ASB18: variants seen among roughly 807,000 people sequenced by gnomAD.
The protein encoded by ASB18 is ankyrin repeat and SOCS box containing 18, also known as ankyrin repeat and SOCS box protein 18.
In ASB18, 33 loss-of-function variants were observed where a neutral mutation model predicts 33.4. The observed-to-expected ratio is 0.99, with a 90% CI of 0.75 to 1.32. ASB18 has a LOEUF of 1.32. Ranked by LOEUF, ASB18 falls within the 40% of genes most tolerant of loss-of-function variation. The pLI is 0.00. For missense variants in ASB18, 694 were observed against 655.5 expected, an observed-to-expected ratio of 1.06 and a Z score of -0.64; for synonymous variants, 295 against 307.6, an observed-to-expected ratio of 0.96 and a Z score of 0.43.
At position 236,215,165 on chromosome 2, in the gene ASB18, G is replaced by A. The variant is rs573854214; in HGVS notation, c.597-299C>T. ...TTGGAGCTTCCTGGGAAGGTGATGT[G>A]GTTCAAATGACGGTGCTCCATGCAC... On this transcript the variant is annotated intron_variant, in intron 3 of 5. Transcript: ENST00000409749. This position sits in a 1 kb window ranked among gnomAD's most constrained non-coding sequence, Gnocchi z 7.2. Among the ~76,000 whole-genome samples, 1 of 152,256 alleles carries A rather than the reference G, an allele frequency of 6.6e-6. No individual in the cohort carries two copies. The highest frequency in any genetic ancestry group is 2.4e-5 in the African/African-American group (1 of 41,542).
At position 236,237,690 on chromosome 2, in the gene ASB18, C is replaced by A; in HGVS notation, c.595G>T (p.Gly199Trp). ...LHLCRTAASL[G>W]CAQALLEHGA... ...GCGGGCCTGTCCCGAGGTCCTTACC[C>A]GAGCGAGGCGGCCGTGCGGCAGAGG... Residue 199 changes from glycine to tryptophan, a missense_variant and splice_region_variant, in exon 3 of 6, where the codon GGG becomes TGG. Coordinates refer to ENST00000409749, the MANE Select transcript of ASB18 (RefSeq NM_212556.4). The surrounding 1 kb of genome is among the most constrained non-coding windows in gnomAD (Gnocchi z 6.2). 2 of 1,448,410 alleles carry A rather than the reference C, an allele frequency of 1.4e-6. No homozygotes were observed. Among genetic ancestry groups the A allele is most frequent in the Non-Finnish European group, 9.0e-7 (1 of 1,106,878 alleles). The allele number at this position is 1,448,410 out of a possible 1,614,324, so 89.7% of individuals were successfully genotyped here. A position where few individuals can be genotyped will look rare whatever the true frequency, so the allele number is the denominator to read the frequency against.
rs1393982830 is a variant in ASB18, at chr2:236,213,326, T to A, written c.1101+1036A>T. ...CAGTCTACTCTGAACGCATCTATAA[T>A]GGAAAGTTAGCATTTGAGAGAAATG... On this transcript the variant is annotated intron_variant, in intron 4 of 5. Coordinates refer to ENST00000409749, the MANE Select transcript of ASB18 (RefSeq NM_212556.4). This position sits in a 1 kb window ranked among gnomAD's most constrained non-coding sequence, Gnocchi z 4.8. 2.0e-5 allele frequency among the ~76,000 whole-genome samples: 3 copies of A among 152,154 alleles called. No individual in the cohort carries two copies. The East Asian group carries it at 5.8e-4, about 29-fold the overall frequency.
In ASB18 at chr2:236,264,283, C is replaced by G; in HGVS notation, c.63G>C (p.Lys21Asn). Residue 21 changes from lysine (K) to asparagine (N), a missense_variant, in exon 1 of 6, where the codon AAG (lysine) becomes AAC (asparagine). Physicochemically the swap from Lys to Asn is moderately conservative, Grantham distance 94. Coordinates refer to ENST00000409749, the MANE Select transcript of ASB18 (RefSeq NM_212556.4). This position sits in a 1 kb window ranked among gnomAD's most constrained non-coding sequence, Gnocchi z 5.1. ...PLNSDLVKRL[K>N]SALDAKDEER... Reference sequence around the variant, plus strand: ...CCTCATCTTTGGCATCCAGGGCAGACTTTAATCTCTTCACTAAATCTGAGT... The same window carrying G: ...CCTCATCTTTGGCATCCAGGGCAGAGTTTAATCTCTTCACTAAATCTGAGT... 1 of 1,614,006 alleles carries G rather than the reference C, an allele frequency of 6.2e-7. No homozygotes were observed. Among genetic ancestry groups the G allele is most frequent in the African/African-American group, 1.3e-5 (1 of 75,050 alleles).
At position 236,260,635 on chromosome 2, in the gene ASB18, G is replaced by A. The variant is rs2060713353; in HGVS notation, c.205+3506C>T. ...TCTTTGGGATTATGGCCTCAGAGAA[G>A]CATGGAGAAGGAGGGAACCTAAACG... On this transcript the variant is annotated intron_variant, in intron 1 of 5. Coordinates refer to ENST00000409749, the MANE Select transcript of ASB18 (RefSeq NM_212556.4). The surrounding 1 kb of genome is among the most constrained non-coding windows in gnomAD (Gnocchi z 5.1). Among the ~76,000 whole-genome samples, 1 of 152,182 alleles carries A rather than the reference G, an allele frequency of 6.6e-6. No individual in the cohort carries two copies. Among genetic ancestry groups the A allele is most frequent in the African/African-American group, 2.4e-5 (1 of 41,446 alleles).
rs1320810983 is a variant in ASB18, at chr2:236,237,957, C to G, written c.329-1G>C. 1.3e-6 allele frequency: 2 copies of G among 1,493,510 alleles called. No individual in the cohort carries two copies. Among genetic ancestry groups the G allele is most frequent in the African/African-American group, 1.5e-5 (1 of 68,716 alleles). 92.5% of individuals were successfully genotyped at this position (1,493,510 alleles called of 1,614,324 possible). A position where few individuals can be genotyped will look rare whatever the true frequency, so the allele number is the denominator to read the frequency against. ...CGCTTGTACTCCAGGGTCCAGAGGCCTGCGGGGAGGGAGGTGGGATGTAAG... is the reference window on the plus strand; with the variant it reads ...CGCTTGTACTCCAGGGTCCAGAGGCGTGCGGGGAGGGAGGTGGGATGTAAG... On this transcript the variant is annotated splice_acceptor_variant, in intron 2 of 5. Coordinates refer to ENST00000409749, the MANE Select transcript of ASB18 (RefSeq NM_212556.4). LOFTEE classifies it high-confidence loss of function. The surrounding 1 kb of genome is among the most constrained non-coding windows in gnomAD (Gnocchi z 6.2).
rs1357104990 is a variant in ASB18 at position 236,217,274 on chromosome 2, G to A, written c.597-2408C>T. ...AATATAAAATTAGCCGGGCATAGTG[G>A]TGGATGCATGTAATCCCAGCCACTC... On this transcript the variant is annotated intron_variant, in intron 3 of 5. Coordinates refer to ENST00000409749, the MANE Select transcript of ASB18 (RefSeq NM_212556.4). This position sits in a 1 kb window ranked among gnomAD's most constrained non-coding sequence, Gnocchi z 5.2. Among the ~76,000 whole-genome samples the A allele has an allele frequency of 6.6e-6, 1 of 152,092 alleles. No homozygotes were observed. The highest frequency in any genetic ancestry group is 1.5e-5 in the Non-Finnish European group (1 of 68,016).
intron 4 of ASB18, among the ~76,000 whole-genome samples, chr2:236,212,921 T>C (rs1265586352): frequency 1.3e-5 from 2 of 152,212 alleles, no homozygotes; most frequent in African/African-American, 2.4e-5. Flanking sequence ...TGAGTCACCA[T>C]GCCTGGCCTC....
Position 236,222,045 on chromosome 2 carries a change from G to A in ASB18, c.597-7179C>T, listed in dbSNP as rs1387783488. Among the ~76,000 whole-genome samples the A allele has an allele frequency of 6.6e-6, 1 of 152,176 alleles. No individual in the cohort carries two copies. Among genetic ancestry groups the A allele is most frequent in the Non-Finnish European group, 1.5e-5 (1 of 68,026 alleles). Reference sequence around the variant, plus strand: ...CAGAGCCGTGTTTTCTAACGAAGCTGCTGCAGGAAGGTTTCCTCCTGTGGC... The same window carrying A: ...CAGAGCCGTGTTTTCTAACGAAGCTACTGCAGGAAGGTTTCCTCCTGTGGC... On this transcript the variant is annotated intron_variant, in intron 3 of 5. Coordinates refer to ENST00000409749, the MANE Select transcript of ASB18 (RefSeq NM_212556.4). This position sits in a 1 kb window ranked among gnomAD's most constrained non-coding sequence, Gnocchi z 5.5.
intron 4 of ASB18, among the ~76,000 whole-genome samples, chr2:236,198,959 T>C (rs1298425577): frequency 6.6e-6 from 1 of 152,242 alleles, no homozygotes; most frequent in Non-Finnish European, 1.5e-5. Flanking sequence ...CTAACTTTAA[T>C]AGGATTGTCT....
Position 236,263,833 on chromosome 2 carries a change from A to T in ASB18, c.205+308T>A, listed in dbSNP as rs1477466088. Among the ~76,000 whole-genome samples, 1 of 152,204 alleles carries T rather than the reference A, an allele frequency of 6.6e-6. No individual in the cohort carries two copies. The highest frequency in any genetic ancestry group is 1.5e-5 in the Non-Finnish European group (1 of 68,028). ...GGGAGCAGAACACACAATTATGTGT[A>T]TGATATGGTTATCAGTGGGTGAAAT... On this transcript the variant is annotated intron_variant, in intron 1 of 5. Coordinates refer to ENST00000409749, the MANE Select transcript of ASB18 (RefSeq NM_212556.4). This position sits in a 1 kb window ranked among gnomAD's most constrained non-coding sequence, Gnocchi z 4.0.
In ASB18 at chr2:236,200,208, G is replaced by A. The variant is rs1008693251; in HGVS notation, c.1102-3823C>T. 3.3e-5 allele frequency among the ~76,000 whole-genome samples: 5 copies of A among 152,086 alleles called. No individual in the cohort carries two copies. Among genetic ancestry groups the A allele is most frequent in the Non-Finnish European group, 7.3e-5 (5 of 68,034 alleles). On this transcript the variant is annotated intron_variant, in intron 4 of 5. Coordinates refer to ENST00000409749, the MANE Select transcript of ASB18 (RefSeq NM_212556.4). The surrounding 1 kb of genome is among the most constrained non-coding windows in gnomAD (Gnocchi z 4.2). ...CTAAAAATACAACAAAATTAGCCAG[G>A]CATGGTGGTGCACATCTGTAGTCCC...
chr2:236,234,887 T>C lies in ASB18; in HGVS notation c.596+2802A>G, dbSNP rs538620068. Among the ~76,000 whole-genome samples the C allele has an allele frequency of 2.5e-4, 38 of 151,564 alleles. No individual in the cohort carries two copies. Among genetic ancestry groups the C allele is most frequent in the Non-Finnish European group, 4.7e-4 (32 of 67,834 alleles). On this transcript the variant is annotated intron_variant, in intron 3 of 5. Transcript: ENST00000409749. The surrounding 1 kb of genome is among the most constrained non-coding windows in gnomAD (Gnocchi z 4.1). Reference sequence around the variant, plus strand: ...TCTGTATGACCTTGGGTTAGGCAGATTTTTTTTTAGATATCATAACCCAAC... The same window carrying C: ...TCTGTATGACCTTGGGTTAGGCAGACTTTTTTTTAGATATCATAACCCAAC...
Position 236,202,075 on chromosome 2 carries a change from G to A in ASB18, c.1102-5690C>T, listed in dbSNP as rs140424877. Among the ~76,000 whole-genome samples the A allele has an allele frequency of 8.9e-3, 1,344 of 151,814 alleles. 18 individuals carry two copies. Among genetic ancestry groups the A allele is most frequent in the African/African-American group, 0.03 (1,235 of 41,416 alleles). Reference sequence around the variant, plus strand: ...AGCAATTCTCCCGCCTCAGCCTCCCGAGTAGCTGGGATTACAGGGACCCGC... The same window carrying A: ...AGCAATTCTCCCGCCTCAGCCTCCCAAGTAGCTGGGATTACAGGGACCCGC... On this transcript the variant is annotated intron_variant, in intron 4 of 5. Transcript: ENST00000409749.
chr2:236,227,335 A>G (rs2060545526), intron 3 of ASB18, among the ~76,000 whole-genome samples: 1 of 152,234 alleles, frequency 6.6e-6, no homozygotes. Context: ...ATAGTAAAAT[A>G]TAGTTTCAAT....
rs6756597 is a variant in ASB18 at position 236,241,298 on chromosome 2, C to T, written c.310G>A (p.Ala104Thr). The T allele has an allele frequency of 0.46, 749,391 of 1,612,140 alleles. 177,159 individuals carry two copies. Among genetic ancestry groups the T allele is most frequent in the East Asian group, 0.63 (28,395 of 44,844 alleles). Residue 104 changes from alanine (A) to threonine (T), a missense_variant, in exon 2 of 6, where the codon GCC becomes ACC. Physicochemically the swap from Ala to Thr is moderately conservative, Grantham distance 58 (BLOSUM62 0). Transcript: ENST00000409749. This position sits in a 1 kb window ranked among gnomAD's most constrained non-coding sequence, Gnocchi z 4.2. ...AGGGTACCTGATAGTCCAAACGTGG[C>T]TGGAGATTTCACCTGCCATTCCATC... ...DEMEWQVKSP[A>T]TFGLSGLWTL...
rs60064230 is a variant in ASB18, at chr2:236,246,346, CAAAAAAAAAAAAAAAAAAA to C, written c.206-4963_206-4945del. Among the ~76,000 whole-genome samples, 117 of 32,722 alleles carry C rather than the reference CAAAAAAAAAAAAAAAAAAA, an allele frequency of 3.6e-3. 1 individual carries two copies. The highest frequency in any genetic ancestry group is 0.015 in the Admixed American group (25 of 1,630). 21.5% of individuals were successfully genotyped at this position (32,722 alleles called of 152,430 possible). A position where few individuals can be genotyped will look rare whatever the true frequency, so the allele number is the denominator to read the frequency against. On this transcript the variant is annotated intron_variant, in intron 1 of 5. Coordinates refer to ENST00000409749, the MANE Select transcript of ASB18 (RefSeq NM_212556.4). ...TGGGTGACAGAGCAAGACTCCATCT[CAAAAAAAAAAAAAAAAAAA>C]AAAAAAAAAAAAAGACCTTGGCTAC...
rs1331604549 is a variant in ASB18 at position 236,204,960 on chromosome 2, C to A, written c.1102-8575G>T. Among the ~76,000 whole-genome samples the A allele has an allele frequency of 3.3e-5, 5 of 152,312 alleles. No homozygotes were observed. Among genetic ancestry groups the A allele is most frequent in the Admixed American group, 3.3e-4 (5 of 15,304 alleles). On this transcript the variant is annotated intron_variant, in intron 4 of 5. Transcript: ENST00000409749. This position sits in a 1 kb window ranked among gnomAD's most constrained non-coding sequence, Gnocchi z 5.1. The stretch of plus-strand genomic sequence containing the variant: ...CTCCACATCCCATCTGTTAAAAAAT[C>A]CTGTTGGCTCTACCTCCAAAATATA...
intron 3 of ASB18, among the ~76,000 whole-genome samples, chr2:236,236,827 C>T (rs1467496981): frequency 6.6e-6 from 1 of 152,320 alleles, no homozygotes; most frequent in African/African-American, 2.4e-5. Context: ...GGGCGACTTT[C>T]CTTAATCTTC....
At position 236,239,581 on chromosome 2, in the gene ASB18, G is replaced by T. The variant is rs1440793706; in HGVS notation, c.329-1625C>A. Among the ~76,000 whole-genome samples, 2 of 152,006 alleles carry T rather than the reference G, an allele frequency of 1.3e-5. No individual in the cohort carries two copies. Among genetic ancestry groups the T allele is most frequent in the Non-Finnish European group, 2.9e-5 (2 of 68,006 alleles). On this transcript the variant is annotated intron_variant, in intron 2 of 5. Transcript: ENST00000409749. This position sits in a 1 kb window ranked among gnomAD's most constrained non-coding sequence, Gnocchi z 5.6. ...GCCACCAGGAGGGACATGAATTAAG[G>T]CTTCTCTGCATGTGGTGTGTCCCTC...
Sources: gnomAD v4.1 joint callset for allele counts (sites outside exome capture counted in the v4.1 genomes callset) on GRCh38, gnomAD v4.1.1 for gene constraint, Gnocchi (gnomAD v3.1) non-coding constraint, MANE v1.5 for transcripts, NCBI Gene and HGNC (gene_info 2026-07-23, HGNC 2026-07-21) for gene names.